Variants in IL1RAPL1 observed in about 807,000 individuals in gnomAD.
IL1RAPL1 encodes the protein interleukin-1 receptor accessory protein-like 1.
A neutral mutation model predicts 48.4 loss-of-function variants in IL1RAPL1; 3 were observed. The observed-to-expected ratio is 0.06, with a 90% confidence interval of 0.03 to 0.16. The LOEUF (loss-of-function observed/expected upper bound fraction) is 0.16. IL1RAPL1 is among the 10% of genes least tolerant of loss of function. IL1RAPL1 has a pLI of 1.00. For missense variants in IL1RAPL1, 349 were observed against 530.6 expected (o/e 0.66, Z 3.36); for synonymous variants, 185 against 187.7 (o/e 0.99, Z 0.12).
chrX:29,743,517 C>T (rs576820674), intron 6 of IL1RAPL1, among the ~76,000 whole-genome samples: 1 of 111,403 alleles, frequency 9.0e-6, no homozygotes, highest in East Asian at 2.8e-4. Context: ...GACAGAGCCT[C>T]GCTCTGTTGC....
At chrX:29,155,907 TATA>T (rs1438319025) in intron 2 of IL1RAPL1, among the ~76,000 whole-genome samples, 4 of 111,191 alleles carry the variant, frequency 3.6e-5, no homozygotes, top group Non-Finnish European at 7.5e-5. Context: ...ATAAATACTT[TATA>T]ATATTTATCA....
intron 6 of IL1RAPL1, among the ~76,000 whole-genome samples, chrX:29,838,953 C>T (rs1931074762): frequency 9.0e-6 from 1 of 111,660 alleles, no homozygotes; most frequent in South Asian, 3.8e-4. Flanking sequence ...CTTGCCTCTG[C>T]TTCCTGTATC....
intron 1 of IL1RAPL1, among the ~76,000 whole-genome samples, chrX:28,600,445 C>CT (rs752295088): frequency 3.1e-4 from 22 of 70,806 alleles, no homozygotes; most frequent in African/African-American, 7.0e-4. Flanking sequence ...TACATAGGAC[C>CT]TTTTTTTTTT....
intron 1 of IL1RAPL1, among the ~76,000 whole-genome samples, chrX:28,759,447 C>T (rs560113086): frequency 2.7e-5 from 3 of 110,019 alleles, no homozygotes; most frequent in Middle Eastern, 9.4e-3. Flanking sequence ...ATAACAACTA[C>T]AGTGAATTGA....
At chrX:28,834,887 G>A in intron 2 of IL1RAPL1, among the ~76,000 whole-genome samples, 1 of 111,219 alleles carries the variant, frequency 9.0e-6, no homozygotes, top group Admixed American at 9.6e-5. Context: ...CATTATTTGA[G>A]CTCCACTGTG....
intron 5 of IL1RAPL1, among the ~76,000 whole-genome samples, chrX:29,434,450 G>A (rs192553627): frequency 9.0e-6 from 1 of 110,522 alleles, no homozygotes; most frequent in East Asian, 2.8e-4. Context: ...TTCCAGTTAG[G>A]CTCATTCCAA....
intron 2 of IL1RAPL1, among the ~76,000 whole-genome samples, chrX:29,141,650 T>A (rs1193634653): frequency 9.0e-6 from 1 of 111,580 alleles, no homozygotes; most frequent in Non-Finnish European, 1.9e-5. Context: ...ATTGGGGCAT[T>A]TTATCTTCTG....
intron 1 of IL1RAPL1, among the ~76,000 whole-genome samples, chrX:28,679,796 T>C (rs1935037573): frequency 3.6e-5 from 4 of 111,822 alleles, no homozygotes; most frequent in South Asian, 7.3e-4. Flanking sequence ...CTGGGCTATT[T>C]TGTTCTATTG....
In IL1RAPL1 at chrX:29,712,512, G is replaced by A. The variant is rs749920252; in HGVS notation, c.778+44008G>A. ...TAAATCTAAAGGAGATACTTATGATGTCTAAATATGAAATTCTATACTCAG... is the reference window on the plus strand; with the variant it reads ...TAAATCTAAAGGAGATACTTATGATATCTAAATATGAAATTCTATACTCAG... On this transcript the variant is annotated intron_variant, in intron 6 of 10. Coordinates refer to ENST00000378993, the MANE Select transcript of IL1RAPL1 (RefSeq NM_014271.4). 1.1e-4 allele frequency among the ~76,000 whole-genome samples: 12 copies of A among 111,885 alleles called. No individual in the cohort carries two copies. The South Asian group carries it at 4.4e-3, about 41-fold the overall frequency.
chrX:28,736,568 TA>T (rs1300641807), intron 1 of IL1RAPL1, among the ~76,000 whole-genome samples: 1 of 112,060 alleles, frequency 8.9e-6, no homozygotes, highest in Non-Finnish European at 1.9e-5. Flanking sequence ...CATTAAACAT[TA>T]AAATGACTTA....
At chrX:28,802,990 G>GTA (rs1042485251) in intron 2 of IL1RAPL1, among the ~76,000 whole-genome samples, 3 of 110,949 alleles carry the variant, frequency 2.7e-5, no homozygotes, top group East Asian at 2.8e-4. Context: ...TTTATAAAGA[G>GTA]TATATATATA....
Position 29,093,838 on chromosome X carries a change from A to G in IL1RAPL1, c.83-189100A>G, listed in dbSNP as rs902202702. ...ATTAGATGCTACAGGTCTGCTGCAT[A>G]CCCAAAATCCTGAACTTTGGCTCCA... On this transcript the variant is annotated intron_variant, in intron 2 of 10. Transcript: ENST00000378993. Among the ~76,000 whole-genome samples, 3 of 111,328 alleles carry G rather than the reference A, an allele frequency of 2.7e-5. No homozygotes were observed. The Admixed American group carries it at 2.9e-4, about 11-fold the overall frequency.
chrX:28,588,823 T>C (rs753881223), intron 1 of IL1RAPL1, among the ~76,000 whole-genome samples: 2 of 112,070 alleles, frequency 1.8e-5, no homozygotes, highest in East Asian at 2.8e-4. Context: ...TTACCCAATA[T>C]CCTAAATAGC....
At chrX:29,507,959 C>G (rs1277940817) in intron 5 of IL1RAPL1, among the ~76,000 whole-genome samples, 1 of 111,576 alleles carries the variant, frequency 9.0e-6, no homozygotes, top group Non-Finnish European at 1.9e-5. Flanking sequence ...TCACTGTAAA[C>G]TCTATAGTAT....
At chrX:29,536,598 C>G (rs1463563324) in intron 5 of IL1RAPL1, among the ~76,000 whole-genome samples, 1 of 110,841 alleles carries the variant, frequency 9.0e-6, no homozygotes, top group Non-Finnish European at 1.9e-5. Context: ...TGGTAAAGAG[C>G]TTGATGCTAG....
At chrX:28,651,452 T>C (rs1284093711) in intron 1 of IL1RAPL1, among the ~76,000 whole-genome samples, 1 of 112,298 alleles carries the variant, frequency 8.9e-6, no homozygotes, top group Non-Finnish European at 1.9e-5. Flanking sequence ...CTACAATTTT[T>C]ACTACCTAGT....
intron 6 of IL1RAPL1, among the ~76,000 whole-genome samples, chrX:29,769,862 GTCTT>G: frequency 1.8e-5 from 2 of 110,035 alleles, no homozygotes; most frequent in Non-Finnish European, 3.8e-5. Flanking sequence ...TGATCCGCCT[GTCTT>G]GGCCTCCCAA....
chrX:29,355,881 A>C lies in IL1RAPL1; in HGVS notation c.363-40377A>C, dbSNP rs1223771987. On this transcript the variant is annotated intron_variant, in intron 3 of 10. Transcript: ENST00000378993. The stretch of plus-strand genomic sequence containing the variant: ...TATTTTGTTCATTAAGTAAACAGTA[A>C]AAAAAAACATTTTTTGTTAGGTAAA... 1.4e-4 allele frequency among the ~76,000 whole-genome samples: 8 copies of C among 56,686 alleles called. No homozygotes were observed. In the Admixed American group the frequency reaches 1.8e-3, roughly 13 times the overall value. 49.2% of individuals were successfully genotyped at this position (56,686 alleles called of 115,157 possible).
At chrX:28,969,791 A>G (rs941075601) in intron 2 of IL1RAPL1, among the ~76,000 whole-genome samples, 3 of 108,299 alleles carry the variant, frequency 2.8e-5, no homozygotes, top group East Asian at 2.9e-4. Context: ...TGGATAGACA[A>G]TATTTTGGCT....
Sources: gnomAD v4.1 joint callset for allele counts (sites outside exome capture counted in the v4.1 genomes callset) on GRCh38, gnomAD v4.1.1 for gene constraint, MANE v1.5 for transcripts, NCBI Gene and HGNC (gene_info 2026-07-23, HGNC 2026-07-21) for gene names.